The following ASIC2 variants were observed in gnomAD, a reference collection of about 807,000 sequenced individuals.
The protein encoded by ASIC2 is acid sensing ion channel subunit 2, also known as acid-sensing ion channel 2.
ASIC2 carries 25 observed loss-of-function variants against 57.3 expected under a neutral mutation model. That is an observed-to-expected ratio of 0.44 (90% CI 0.32 to 0.61). The LOEUF is 0.61. Ranked by LOEUF, ASIC2 falls within the 20% of genes least tolerant of loss-of-function variation. The pLI is 0.06. For missense variants in ASIC2, 641 were observed against 738.1 expected, an observed-to-expected ratio of 0.87 and a Z score of 1.52; for synonymous variants, 319 against 307.5, an observed-to-expected ratio of 1.04 and a Z score of -0.39.
At chr17:33,998,933 T>G (rs1906245913) in intron 1 of ASIC2, among the ~76,000 whole-genome samples, 3 of 152,142 alleles carry the variant, frequency 2.0e-5, no homozygotes. Context: ...TTTTCTGTCT[T>G]CATGATCTAT....
At chr17:33,636,173 A>G (rs1343206496) in intron 1 of ASIC2, among the ~76,000 whole-genome samples, 1 of 152,248 alleles carries the variant, frequency 6.6e-6, no homozygotes, top group Non-Finnish European at 1.5e-5. Flanking sequence ...ATACAGATTC[A>G]AAATGCTAGT....
chr17:33,745,059 C>T (rs529161239), intron 1 of ASIC2, among the ~76,000 whole-genome samples: 30 of 152,210 alleles, frequency 2.0e-4, no homozygotes, highest in Middle Eastern at 6.8e-3. Flanking sequence ...GAGAAATGTG[C>T]GATACATTTA....
In ASIC2 at chr17:33,128,074, G is replaced by A. The variant is rs536352886; in HGVS notation, c.709-16007C>T. On this transcript the variant is annotated intron_variant, in intron 1 of 9. Transcript: ENST00000225823. ...CAGAACATGTCCCTGCCTTCATTGA[G>A]TTAACTCTTACTCATACTTCATACT... 1.3e-3 allele frequency among the ~76,000 whole-genome samples: 197 copies of A among 152,296 alleles called. 1 individual carries two copies. The highest frequency in any genetic ancestry group is 1.3e-3 in the Non-Finnish European group (89 of 68,030).
intron 1 of ASIC2, among the ~76,000 whole-genome samples, chr17:33,250,674 A>G (rs1908850396): frequency 6.6e-6 from 1 of 152,248 alleles, no homozygotes; most frequent in African/African-American, 2.4e-5. Context: ...CTTATTAAAC[A>G]GAAAAGCCTT....
intron 1 of ASIC2, among the ~76,000 whole-genome samples, chr17:33,448,552 G>A (rs1391732340): frequency 6.6e-6 from 1 of 152,194 alleles, no homozygotes; most frequent in East Asian, 1.9e-4. Flanking sequence ...AGATACTGGA[G>A]TGATGTGGCT....
chr17:33,812,473 G>T (rs1912451948), intron 1 of ASIC2, among the ~76,000 whole-genome samples: 1 of 152,138 alleles, frequency 6.6e-6, no homozygotes, highest in South Asian at 2.1e-4. Flanking sequence ...AGCACTCAGG[G>T]GAGGCCAGAG....
chr17:34,148,106 C>G (rs747985430), intron 1 of ASIC2, among the ~76,000 whole-genome samples: 17 of 152,142 alleles, frequency 1.1e-4, no homozygotes, highest in Non-Finnish European at 2.4e-4. Context: ...AACCAACACC[C>G]CAGCCAATAA....
chr17:33,098,923 C>T (rs1323666396), intron 2 of ASIC2, among the ~76,000 whole-genome samples: 1 of 149,552 alleles, frequency 6.7e-6, no homozygotes, highest in Non-Finnish European at 1.5e-5. Flanking sequence ...TATACACACA[C>T]ACAAAATATA....
intron 1 of ASIC2, among the ~76,000 whole-genome samples, chr17:33,491,525 T>A (rs1418232623): frequency 6.6e-6 from 1 of 152,214 alleles, no homozygotes; most frequent in Non-Finnish European, 1.5e-5. Context: ...TAAAAAAGGA[T>A]TTTTGCCGAA....
chr17:34,012,853 T>C (rs1202677607), intron 1 of ASIC2, among the ~76,000 whole-genome samples: 2 of 152,186 alleles, frequency 1.3e-5, no homozygotes, highest in Non-Finnish European at 2.9e-5. Flanking sequence ...AGAGCCCTGC[T>C]TTTTTCCTGG....
intron 1 of ASIC2, among the ~76,000 whole-genome samples, chr17:33,926,277 C>T (rs1171063292): frequency 6.6e-6 from 1 of 152,122 alleles, no homozygotes; most frequent in Non-Finnish European, 1.5e-5. Flanking sequence ...TCACAAAAAC[C>T]TTGCGGAAGT....
At chr17:33,414,126 C>T (rs1910756463) in intron 1 of ASIC2, among the ~76,000 whole-genome samples, 1 of 152,080 alleles carries the variant, frequency 6.6e-6, no homozygotes, top group Admixed American at 6.6e-5. Context: ...CGAGGCTCTC[C>T]AACTTAAGAC....
At chr17:33,939,914 G>C (rs184945936) in intron 1 of ASIC2, among the ~76,000 whole-genome samples, 2 of 152,300 alleles carry the variant, frequency 1.3e-5, no homozygotes, top group East Asian at 3.9e-4. Flanking sequence ...GGAGACCAGG[G>C]TTCTTATTTG....
intron 1 of ASIC2, among the ~76,000 whole-genome samples, chr17:33,848,248 G>GT (rs146808989): frequency 0.017 from 2,600 of 152,240 alleles, 55 homozygotes; most frequent in African/African-American, 0.059. Context: ...AAGCAGCCAC[G>GT]TTTACATTTC....
chr17:33,226,572 A>AT (rs1165411572), intron 1 of ASIC2, among the ~76,000 whole-genome samples: 11 of 152,066 alleles, frequency 7.2e-5, no homozygotes, highest in Non-Finnish European at 1.5e-4. Context: ...CACTCTCGTC[A>AT]TTTTTTTCAT....
At chr17:33,724,867 T>C (rs577459320) in intron 1 of ASIC2, among the ~76,000 whole-genome samples, 46 of 152,116 alleles carry the variant, frequency 3.0e-4, no homozygotes, top group African/African-American at 1.1e-3. Flanking sequence ...CACTCACACA[T>C]TGGCTCCTTC....
chr17:33,257,380 T>A (rs1909118749), intron 1 of ASIC2, among the ~76,000 whole-genome samples: 1 of 152,184 alleles, frequency 6.6e-6, no homozygotes, highest in African/African-American at 2.4e-5. Context: ...AATCAAGCAA[T>A]ATTTTCTACT....
At chr17:33,182,472 G>T (rs1012181220) in intron 1 of ASIC2, among the ~76,000 whole-genome samples, 8 of 152,130 alleles carry the variant, frequency 5.3e-5, no homozygotes, top group Non-Finnish European at 7.4e-5. Context: ...TCCAGCTCTA[G>T]GTTGCCAGAA....
intron 1 of ASIC2, among the ~76,000 whole-genome samples, chr17:34,149,947 T>C (rs1904447484): frequency 6.6e-6 from 1 of 152,220 alleles, no homozygotes; most frequent in Non-Finnish European, 1.5e-5. Context: ...CCCATGTTTA[T>C]TGCAGCACTA....
Sources: gnomAD v4.1 joint callset for allele counts (sites outside exome capture counted in the v4.1 genomes callset) on GRCh38, gnomAD v4.1.1 for gene constraint, MANE v1.5 for transcripts, NCBI Gene and HGNC (gene_info 2026-07-23, HGNC 2026-07-21) for gene names.